Variants in MARCHF8 observed in about 807,000 individuals in gnomAD.
The protein encoded by MARCHF8 is E3 ubiquitin-protein ligase MARCHF8.
MARCHF8 carries 40 observed loss-of-function variants against 51.6 expected under a neutral mutation model. That is an observed-to-expected ratio of 0.77 (90% confidence interval 0.60 to 1.01). MARCHF8 has a LOEUF of 1.01. Among genes scored for constraint, MARCHF8 ranks in the 50% least tolerant of loss-of-function variants. The pLI is 0.00. For missense variants in MARCHF8, 685 were observed against 708.6 expected, an observed-to-expected ratio of 0.97 and a Z score of 0.38; for synonymous variants, 263 against 280.3, an observed-to-expected ratio of 0.94 and a Z score of 0.62.
chr10:45,576,784 A>G (rs550201543), intron 1 of MARCHF8, among the ~76,000 whole-genome samples: 12 of 151,202 alleles, frequency 7.9e-5, no homozygotes, highest in African/African-American at 2.4e-4. Flanking sequence ...AAAAAAAAAA[A>G]AAAAAACTAG....
At chr10:45,577,117 C>T (rs922177718) in intron 1 of MARCHF8, among the ~76,000 whole-genome samples, 1 of 151,916 alleles carries the variant, frequency 6.6e-6, no homozygotes, top group African/African-American at 2.4e-5. Flanking sequence ...ATAAGCCAGG[C>T]ACAGAAAGAG....
intron 1 of MARCHF8, among the ~76,000 whole-genome samples, chr10:45,558,757 A>G (rs2044279109): frequency 6.6e-6 from 1 of 152,236 alleles, no homozygotes; most frequent in Admixed American, 6.5e-5. Context: ...TGACAGTGAG[A>G]CCGGAGAGCA....
chr10:45,522,113 T>A (rs921333189), intron 2 of MARCHF8, among the ~76,000 whole-genome samples: 4 of 152,194 alleles, frequency 2.6e-5, no homozygotes, highest in African/African-American at 9.6e-5. Context: ...TAAACAACTT[T>A]TTAAAGTCAG....
intron 1 of MARCHF8, among the ~76,000 whole-genome samples, chr10:45,560,747 T>C (rs2044301578): frequency 1.3e-5 from 2 of 152,152 alleles, no homozygotes; most frequent in South Asian, 4.1e-4. Context: ...GTAGCAGACA[T>C]GAAGAGAACA....
intron 1 of MARCHF8, among the ~76,000 whole-genome samples, chr10:45,545,518 C>T (rs1360179889): frequency 2.0e-5 from 3 of 152,138 alleles, no homozygotes; most frequent in Non-Finnish European, 4.4e-5. Flanking sequence ...AGATTGACCA[C>T]ATCAGACTTA....
chr10:45,490,828 C>T (rs953369407), intron 2 of MARCHF8, among the ~76,000 whole-genome samples: 4 of 152,204 alleles, frequency 2.6e-5, no homozygotes, highest in African/African-American at 9.6e-5. Flanking sequence ...GCCTTGACCT[C>T]TTGGGCTCAA....
intron 2 of MARCHF8, among the ~76,000 whole-genome samples, chr10:45,509,717 G>T (rs1564492701): frequency 6.6e-6 from 1 of 152,156 alleles, no homozygotes; most frequent in Non-Finnish European, 1.5e-5. Flanking sequence ...AGCCTTGCAG[G>T]TGAGTAAGAA....
chr10:45,538,802 C>T (rs1235358024), upstream of MARCHF8, among the ~76,000 whole-genome samples: 10 of 152,164 alleles, frequency 6.6e-5, no homozygotes, highest in South Asian at 2.1e-4. Flanking sequence ...TACAGGAGCA[C>T]CCAGATTCAT....
At chr10:45,486,517 T>A (rs1464831101) in intron 3 of MARCHF8, among the ~76,000 whole-genome samples, 1 of 152,024 alleles carries the variant, frequency 6.6e-6, no homozygotes, top group Non-Finnish European at 1.5e-5. Context: ...TGAGCCAAGA[T>A]TGCACCACGG....
intron 1 of MARCHF8, among the ~76,000 whole-genome samples, chr10:45,584,198 C>G (rs1291085063): frequency 7.7e-6 from 1 of 130,218 alleles, no homozygotes; most frequent in Non-Finnish European, 1.6e-5. Context: ...TTCACAAGAA[C>G]TAAGAAACAA....
intron 6 of MARCHF8, 73 bp from the exon 7 acceptor site, chr10:45,459,340 TAGG>T: frequency 1.3e-6 from 2 of 1,499,286 alleles, no homozygotes; most frequent in East Asian, 2.4e-5. Context: ...GCATTGTAGG[TAGG>T]TAAGATTGGC....
At chr10:45,585,571 A>G (rs1463264103) in intron 1 of MARCHF8, among the ~76,000 whole-genome samples, 1 of 152,190 alleles carries the variant, frequency 6.6e-6, no homozygotes, top group Non-Finnish European at 1.5e-5. Flanking sequence ...AACTATAGCA[A>G]TGAAATAATA....
Position 45,583,363 on chromosome 10 carries a change from G to A in MARCHF8, c.-79+10872C>T, listed in dbSNP as rs568658155. The stretch of plus-strand genomic sequence containing the variant: ...CTTTGACCAGGCAATTCCACTTCTA[G>A]GGCTCTAGACTAAGAATACACCCAT... On this transcript the variant is annotated intron_variant, in intron 1 of 6. Transcript: ENST00000319836. Among the ~76,000 whole-genome samples, 10 of 152,170 alleles carry A rather than the reference G, an allele frequency of 6.6e-5. No homozygotes were observed. In the East Asian group the frequency reaches 1.9e-3, roughly 29 times the overall value.
chr10:45,592,527 A>C (rs2044692415), intron 1 of MARCHF8, among the ~76,000 whole-genome samples: 1 of 152,210 alleles, frequency 6.6e-6, no homozygotes. Flanking sequence ...TAGAAATTTC[A>C]GCAATATTTT....
At chr10:45,536,968 A>T (rs1396693344), upstream of MARCHF8, among the ~76,000 whole-genome samples, 3 of 152,002 alleles carry the variant, frequency 2.0e-5, no homozygotes. Context: ...TATTACTTTA[A>T]TTATGTTCAT....
chr10:45,507,081 T>C (rs1282599935), intron 2 of MARCHF8, among the ~76,000 whole-genome samples: 3 of 152,200 alleles, frequency 2.0e-5, no homozygotes, highest in Admixed American at 1.3e-4. Context: ...AACAGTGGCA[T>C]GCAACAGCTC....
intron 2 of MARCHF8, among the ~76,000 whole-genome samples, chr10:45,498,187 C>A (rs779073337): frequency 1.5e-4 from 23 of 152,138 alleles, no homozygotes; most frequent in Non-Finnish European, 3.1e-4. Context: ...ATATAAAATT[C>A]ACCATCTTAA....
intron 3 of MARCHF8, among the ~76,000 whole-genome samples, chr10:45,481,790 C>A (rs866798662): frequency 2.6e-5 from 4 of 152,170 alleles, no homozygotes; most frequent in Admixed American, 6.5e-5. Flanking sequence ...TTTCACCACT[C>A]CTGTTCAACA....
intron 1 of MARCHF8, among the ~76,000 whole-genome samples, chr10:45,567,797 T>C (rs1473904327): frequency 2.0e-5 from 3 of 152,218 alleles, no homozygotes; most frequent in Non-Finnish European, 4.4e-5. Flanking sequence ...AATTTTGGGA[T>C]TGTTTTTTCT....
Sources: gnomAD v4.1 joint callset for allele counts (sites outside exome capture counted in the v4.1 genomes callset) on GRCh38, gnomAD v4.1.1 for gene constraint, MANE v1.5 for transcripts, NCBI Gene and HGNC (gene_info 2026-07-23, HGNC 2026-07-21) for gene names.